The following SLC35F3 variants were observed in gnomAD, a reference collection of about 807,000 sequenced individuals.
SLC35F3 encodes solute carrier family 35 member F3.
In SLC35F3, 25 loss-of-function variants were observed where a neutral mutation model predicts 49.9. The observed-to-expected ratio is 0.50, with a 90% CI of 0.37 to 0.70. The LOEUF (loss-of-function observed/expected upper bound fraction) is 0.70. Ranked by LOEUF, SLC35F3 falls within the 30% of genes least tolerant of loss-of-function variation. SLC35F3 has a pLI of 0.00. For synonymous variants in SLC35F3, 275 were observed against 265.4 expected, an observed-to-expected ratio of 1.04 and a Z score of -0.35; for missense variants, 525 against 639.8, an observed-to-expected ratio of 0.82 and a Z score of 1.94.
chr1:234,193,257 C>T (rs912650854), intron 2 of SLC35F3, among the ~76,000 whole-genome samples: 6 of 152,168 alleles, frequency 3.9e-5, no homozygotes, highest in South Asian at 2.1e-4. Context: ...CATAGACCAA[C>T]GGAACAGAAT....
chr1:234,286,849 C>T (rs1276849054), intron 3 of SLC35F3, among the ~76,000 whole-genome samples: 2 of 152,114 alleles, frequency 1.3e-5, no homozygotes, highest in African/African-American at 4.8e-5. Flanking sequence ...GTGAGTTTTG[C>T]GTTAGTTCAA....
chr1:234,165,141 AGTATATATAGC>A lies in SLC35F3; in HGVS notation c.284-66264_284-66254del, dbSNP rs1483912043. Among the ~76,000 whole-genome samples the A allele has an allele frequency of 2.6e-5, 4 of 152,036 alleles. No individual in the cohort carries two copies. The Middle Eastern group carries it at 0.01, about 388-fold the overall frequency. ...ACTTGCCTGAGTAGCATTAGTATATAGTATATATAGCGTATATATAGCATTGAATATAGTTA... is the reference window on the plus strand; with the variant it reads ...ACTTGCCTGAGTAGCATTAGTATATAGTATATATAGCATTGAATATAGTTA... On this transcript the variant is annotated intron_variant, in intron 2 of 7. Coordinates refer to ENST00000366618, the MANE Select transcript of SLC35F3 (RefSeq NM_173508.4).
intron 3 of SLC35F3, among the ~76,000 whole-genome samples, chr1:234,300,472 A>G (rs1372525560): frequency 3.3e-5 from 5 of 152,258 alleles, no homozygotes; most frequent in Non-Finnish European, 7.3e-5. Context: ...TCTGTAAAAA[A>G]TTATTTGTAA....
intron 2 of SLC35F3, among the ~76,000 whole-genome samples, chr1:234,100,371 C>T (rs1665196453): frequency 1.3e-5 from 2 of 152,164 alleles, no homozygotes; most frequent in African/African-American, 4.8e-5. Flanking sequence ...TTTAGATGCA[C>T]CTATATCGAC....
Position 234,231,834 on chromosome 1 carries a change from A to T in SLC35F3, c.608+93A>T. 7.9e-7 allele frequency: 1 copy of T among 1,265,730 alleles called. No individual in the cohort carries two copies. Among genetic ancestry groups the T allele is most frequent in the Non-Finnish European group, 1.1e-6 (1 of 901,072 alleles). 78.4% of individuals were successfully genotyped at this position (1,265,730 alleles called of 1,614,324 possible). A position where few individuals can be genotyped will look rare whatever the true frequency, so the allele number is the denominator to read the frequency against. On this transcript the variant is annotated intron_variant, in intron 3 of 7. Coordinates refer to ENST00000366618, the MANE Select transcript of SLC35F3 (RefSeq NM_173508.4). This position sits in a 1 kb window ranked among gnomAD's most constrained non-coding sequence, Gnocchi z 5.4. Reference sequence around the variant, plus strand: ...GCTGCCCCTGGTGGCAGGCGCTGGGATGAGCCGGTGGGAGCCCGTGGAGAG... The same window carrying T: ...GCTGCCCCTGGTGGCAGGCGCTGGGTTGAGCCGGTGGGAGCCCGTGGAGAG...
chr1:234,296,289 G>A (rs1432296955), intron 3 of SLC35F3, among the ~76,000 whole-genome samples: 2 of 152,002 alleles, frequency 1.3e-5, no homozygotes, highest in Non-Finnish European at 2.9e-5. Flanking sequence ...ATTTTGCAAG[G>A]GATGGTCCTA....
chr1:234,240,476 G>A (rs749234603), intron 3 of SLC35F3, among the ~76,000 whole-genome samples: 12 of 151,328 alleles, frequency 7.9e-5, no homozygotes, highest in African/African-American at 2.2e-4. Context: ...ATGGTGGCAC[G>A]TCCCTGTAGT....
chr1:234,206,662 A>G (rs1666975372), intron 2 of SLC35F3, among the ~76,000 whole-genome samples: 5 of 152,144 alleles, frequency 3.3e-5, no homozygotes, highest in Admixed American at 2.6e-4. Context: ...CCCACCGTAG[A>G]GAGTTGACAG....
intron 2 of SLC35F3, among the ~76,000 whole-genome samples, chr1:233,946,408 A>G (rs1251574126): frequency 1.3e-5 from 2 of 152,254 alleles, no homozygotes; most frequent in African/African-American, 2.4e-5. Context: ...TAGAATACAA[A>G]TAAAAATTAA....
intron 2 of SLC35F3, among the ~76,000 whole-genome samples, chr1:234,060,480 T>C (rs2102862406): frequency 6.6e-6 from 1 of 152,316 alleles, no homozygotes; most frequent in East Asian, 1.9e-4. Flanking sequence ...AGGGTCTCAC[T>C]CTGTCACCCA....
At chr1:234,002,103 A>AT in intron 2 of SLC35F3, among the ~76,000 whole-genome samples, 1 of 152,064 alleles carries the variant, frequency 6.6e-6, no homozygotes, top group Admixed American at 6.6e-5. Flanking sequence ...GCACCTCTCT[A>AT]TTTTTTTTAA....
At chr1:234,149,369 G>A (rs531609855) in intron 2 of SLC35F3, among the ~76,000 whole-genome samples, 16 of 152,252 alleles carry the variant, frequency 1.1e-4, no homozygotes, top group African/African-American at 2.6e-4. Context: ...TTCTCACAGC[G>A]CCCACATTTT....
chr1:234,119,963 C>T (rs1303463478), intron 2 of SLC35F3, among the ~76,000 whole-genome samples: 2 of 152,236 alleles, frequency 1.3e-5, no homozygotes, highest in African/African-American at 2.4e-5. Context: ...CTGAGAAGGC[C>T]TTGCCAAGTA....
chr1:233,964,738 A>G (rs1007256489), intron 2 of SLC35F3, among the ~76,000 whole-genome samples: 3 of 152,344 alleles, frequency 2.0e-5, no homozygotes, highest in African/African-American at 7.2e-5. Flanking sequence ...ATGCAATGCA[A>G]TATGAGTTCT....
At chr1:234,165,340 C>T (rs541117846) in intron 2 of SLC35F3, among the ~76,000 whole-genome samples, 6 of 152,120 alleles carry the variant, frequency 3.9e-5, no homozygotes, top group African/African-American at 9.6e-5. Context: ...ATAATTCAGT[C>T]GCTATTATGA....
intron 2 of SLC35F3, among the ~76,000 whole-genome samples, chr1:234,025,135 G>A (rs1486771874): frequency 6.6e-6 from 1 of 152,240 alleles, no homozygotes; most frequent in East Asian, 1.9e-4. Flanking sequence ...TCATGTTGGT[G>A]CAAAGTACAT....
chr1:234,069,140 T>C, intron 2 of SLC35F3, among the ~76,000 whole-genome samples: 1 of 132,110 alleles, frequency 7.6e-6, no homozygotes, highest in South Asian at 2.2e-4. Context: ...ATATATAATA[T>C]ATAATATATT....
rs187182936 is a variant in SLC35F3, at chr1:233,934,764, C to T, written c.283+29006C>T. On this transcript the variant is annotated intron_variant, in intron 2 of 7. Coordinates refer to ENST00000366618, the MANE Select transcript of SLC35F3 (RefSeq NM_173508.4). ...TTAATTTTAAAATAATCAAAAAAGCCACTGGCTTTCCCTCTGAAGCAAAGG... is the reference window on the plus strand; with the variant it reads ...TTAATTTTAAAATAATCAAAAAAGCTACTGGCTTTCCCTCTGAAGCAAAGG... 3.1e-5 allele frequency among the ~76,000 whole-genome samples: 4 copies of T among 130,500 alleles called. No homozygotes were observed. The East Asian group carries it at 9.1e-4, about 30-fold the overall frequency. 85.6% of individuals were successfully genotyped at this position (130,500 alleles called of 152,430 possible).
intron 2 of SLC35F3, among the ~76,000 whole-genome samples, chr1:234,166,554 G>A (rs887228042): frequency 1.3e-5 from 2 of 152,164 alleles, no homozygotes; most frequent in Admixed American, 6.5e-5. Context: ...CCAAGCTGGG[G>A]CTTAGACTCT....
Sources: gnomAD v4.1 joint callset for allele counts (sites outside exome capture counted in the v4.1 genomes callset) on GRCh38, gnomAD v4.1.1 for gene constraint, Gnocchi (gnomAD v3.1) non-coding constraint, MANE v1.5 for transcripts, NCBI Gene and HGNC (gene_info 2026-07-23, HGNC 2026-07-21) for gene names.